PARP8: variants seen among roughly 807,000 people sequenced by gnomAD.
PARP8 encodes protein mono-ADP-ribosyltransferase PARP8.
In PARP8, 51 loss-of-function variants were observed where a neutral mutation model predicts 124.1. That is an observed-to-expected ratio of 0.41 (90% confidence interval 0.33 to 0.52). The LOEUF (loss-of-function observed/expected upper bound fraction) is 0.52, where lower values mean the gene tolerates loss of function less well. Among genes scored for constraint, PARP8 ranks in the 20% least tolerant of loss-of-function variants. PARP8 has a pLI of 0.21. For missense variants in PARP8, 860 were observed against 1,018.9 expected, an observed-to-expected ratio of 0.84 and a Z score of 2.12; for synonymous variants, 391 against 361.5, an observed-to-expected ratio of 1.08 and a Z score of -0.93.
At chr5:50,670,538 C>T (rs998713775) in intron 2 of PARP8, among the ~76,000 whole-genome samples, 4 of 152,156 alleles carry the variant, frequency 2.6e-5, no homozygotes, top group South Asian at 2.1e-4. Context: ...TGCCAAGAGG[C>T]GATTGTGTCC....
chr5:50,671,694 T>C (rs1455488667), intron 2 of PARP8, among the ~76,000 whole-genome samples: 1 of 152,138 alleles, frequency 6.6e-6, no homozygotes, highest in Non-Finnish European at 1.5e-5. Context: ...TCACATTTTT[T>C]TCACCCAAGA....
Position 50,760,352 on chromosome 5 carries a change from A to G in PARP8, c.335A>G (p.Glu112Gly). The change falls in exon 5 of 26, where the codon GAA (glutamate) becomes GGA (glycine). Residue 112 changes from glutamate (E) to glycine (G), a missense_variant. Glu to Gly is a moderately conservative substitution (Grantham distance 98). Coordinates refer to ENST00000281631, the MANE Select transcript of PARP8 (RefSeq NM_024615.4). ...CLSIKSKLQK[E>G]NGEESRQNST... is the part of the protein sequence containing the mutation. ...TCCATAAAATCCAAATTACAAAAGG[A>G]AAATGGGGAGGTATGTAAATTATAT... The G allele has an allele frequency of 6.6e-7, 1 of 1,524,390 alleles. No individual in the cohort carries two copies. The highest frequency in any genetic ancestry group is 1.2e-5 in the South Asian group (1 of 83,940). 94.4% of individuals were successfully genotyped at this position (1,524,390 alleles called of 1,614,324 possible).
chr5:50,668,017 G>T, intron 1 of PARP8, 54 bp from the exon 2 acceptor site: 1 of 1,611,030 alleles, frequency 6.2e-7, no homozygotes, highest in Non-Finnish European at 8.5e-7. Flanking sequence ...GTCCTGATCG[G>T]GGTTAAAACA....
At position 50,785,046 on chromosome 5, in the gene PARP8, T is replaced by G. The variant is rs544515744; in HGVS notation, c.671-3477T>G. 2.0e-5 allele frequency among the ~76,000 whole-genome samples: 3 copies of G among 152,040 alleles called. No individual in the cohort carries two copies. In the South Asian group the frequency reaches 6.2e-4, roughly 31 times the overall value. The stretch of plus-strand genomic sequence containing the variant: ...AATACATTGAATATAATTAATTACA[T>G]TTATTTTAATAATAATATGTGTTTT... On this transcript the variant is annotated intron_variant, in intron 9 of 25. Transcript: ENST00000281631.
chr5:50,726,741 G>A (rs1756467328), intron 2 of PARP8, among the ~76,000 whole-genome samples: 1 of 152,132 alleles, frequency 6.6e-6, no homozygotes, highest in Admixed American at 6.5e-5. Flanking sequence ...CTGGTCATAT[G>A]CAAGTACAAA....
chr5:50,675,871 T>C (rs1165810181), intron 2 of PARP8, among the ~76,000 whole-genome samples: 1 of 152,208 alleles, frequency 6.6e-6, no homozygotes, highest in Non-Finnish European at 1.5e-5. Flanking sequence ...TAAGTCAGTA[T>C]TTTGTTTAGA....
At chr5:50,765,368 G>A (rs1339023564) in intron 7 of PARP8, among the ~76,000 whole-genome samples, 1 of 151,978 alleles carries the variant, frequency 6.6e-6, no homozygotes, top group Non-Finnish European at 1.5e-5. Flanking sequence ...TGCTGTCTAG[G>A]CCCCAGTCAT....
chr5:50,833,641 G>A (rs1747240530), intron 23 of PARP8, among the ~76,000 whole-genome samples: 1 of 151,962 alleles, frequency 6.6e-6, no homozygotes, highest in Non-Finnish European at 1.5e-5. Flanking sequence ...TTTGATGTTT[G>A]AAAAGATCAA....
intron 2 of PARP8, among the ~76,000 whole-genome samples, chr5:50,696,457 T>A (rs1753035495): frequency 1.3e-5 from 2 of 152,148 alleles, no homozygotes; most frequent in South Asian, 4.1e-4. Flanking sequence ...TAATCTTTGT[T>A]TGGAAAGATG....
intron 14 of PARP8, among the ~76,000 whole-genome samples, chr5:50,798,879 A>G (rs1742871679): frequency 6.6e-6 from 1 of 152,196 alleles, no homozygotes; most frequent in South Asian, 2.1e-4. Flanking sequence ...CTTTGGAGAA[A>G]TGCCTATTTA....
chr5:50,725,778 C>T (rs1229824613), intron 2 of PARP8, among the ~76,000 whole-genome samples: 1 of 152,118 alleles, frequency 6.6e-6, no homozygotes, highest in African/African-American at 2.4e-5. Flanking sequence ...TCTGCTGGAT[C>T]TTAAGATAGT....
At chr5:50,790,750 C>G (rs749777685) in intron 10 of PARP8, among the ~76,000 whole-genome samples, 11 of 152,000 alleles carry the variant, frequency 7.2e-5, no homozygotes, top group Non-Finnish European at 1.5e-4. Flanking sequence ...GTTTAAGTAC[C>G]TAGTAACATA....
intron 2 of PARP8, among the ~76,000 whole-genome samples, chr5:50,728,987 G>A (rs1756708084): frequency 6.6e-6 from 1 of 152,176 alleles, no homozygotes; most frequent in South Asian, 2.1e-4. Context: ...CTGACTGAGA[G>A]TTAAACATTT....
intron 2 of PARP8, chr5:50,741,826 T>C: frequency 2.3e-6 from 1 of 438,388 alleles, no homozygotes. Context: ...TTTTTTTTTT[T>C]TTAGGTAGAA....
At chr5:50,822,817 A>C (rs76036059) in intron 17 of PARP8, among the ~76,000 whole-genome samples, 2 of 152,342 alleles carry the variant, frequency 1.3e-5, no homozygotes, top group East Asian at 3.9e-4. Flanking sequence ...GCAAAATCCC[A>C]AAACCACTTT....
intron 2 of PARP8, chr5:50,744,616 A>G: frequency 3.1e-6 from 2 of 638,182 alleles, no homozygotes; most frequent in Non-Finnish European, 5.6e-6. Flanking sequence ...CACACTGTTC[A>G]TATAATATAT....
At chr5:50,769,636 A>G (rs1761405884) in intron 7 of PARP8, among the ~76,000 whole-genome samples, 1 of 151,486 alleles carries the variant, frequency 6.6e-6, no homozygotes, top group Non-Finnish European at 1.5e-5. Context: ...ACAAAAAAGG[A>G]ATTGTGTTGT....
intron 3 of PARP8, among the ~76,000 whole-genome samples, chr5:50,755,924 T>A (rs1461764465): frequency 6.6e-6 from 1 of 152,196 alleles, no homozygotes; most frequent in Non-Finnish European, 1.5e-5. Flanking sequence ...TTCCTAGGTA[T>A]TTTATTCTCT....
intron 2 of PARP8, among the ~76,000 whole-genome samples, chr5:50,729,588 T>C (rs2149516108): frequency 6.6e-6 from 1 of 152,292 alleles, no homozygotes; most frequent in Admixed American, 6.5e-5. Context: ...TCTGTGAGTG[T>C]TCTGGGAATA....
Sources: gnomAD v4.1 joint callset for allele counts (sites outside exome capture counted in the v4.1 genomes callset) on GRCh38, gnomAD v4.1.1 for gene constraint, MANE v1.5 for transcripts, NCBI Gene and HGNC (gene_info 2026-07-23, HGNC 2026-07-21) for gene names.